The following SFMBT2 variants were observed in gnomAD, a reference collection of about 807,000 sequenced individuals.
The protein encoded by SFMBT2 is scm-like with four MBT domains protein 2.
In SFMBT2, 38 loss-of-function variants were observed where a neutral mutation model predicts 110.1. The observed-to-expected ratio is 0.35, with a 90% confidence interval of 0.27 to 0.45. The LOEUF is 0.45. Ranked by LOEUF, SFMBT2 falls within the 20% of genes least tolerant of loss-of-function variation. SFMBT2 has a pLI of 1.00. For synonymous variants in SFMBT2, 425 were observed against 425.4 expected (o/e 1.00, Z 0.01); for missense variants, 1,011 against 1,094.9 (o/e 0.92, Z 1.08).
rs532705973 is a variant in SFMBT2 at position 7,285,688 on chromosome 10, C to T, written c.525+178G>A. 228 of 588,612 alleles carry T rather than the reference C, an allele frequency of 3.9e-4. 1 individual carries two copies. Among genetic ancestry groups the T allele is most frequent in the African/African-American group, 3.1e-3 (169 of 53,658 alleles). 36.5% of individuals were successfully genotyped at this position (588,612 alleles called of 1,614,324 possible). ...CATCACAGGGGAAGTTTCATCAATG[C>T]CATTCAAATCAGTCACCTAAGTAAT... is the stretch of plus-strand genomic sequence containing the variant. On this transcript the variant is annotated intron_variant, in intron 5 of 20. Coordinates refer to ENST00000397167, the MANE Select transcript of SFMBT2 (RefSeq NM_001387889.1).
rs542628467 is a variant in SFMBT2, at chr10:7,172,404, C to G, written c.2151+91G>C. 6.3e-7 allele frequency: 1 copy of G among 1,589,972 alleles called. No homozygotes were observed. The highest frequency in any genetic ancestry group is 8.5e-7 in the Non-Finnish European group (1 of 1,169,818). Reference sequence around the variant, plus strand: ...TTTCTGACCATCTTGCCACAATCTCCAGGGCCACCTCTGCTGTGAAGCAGC... The same window carrying G: ...TTTCTGACCATCTTGCCACAATCTCGAGGGCCACCTCTGCTGTGAAGCAGC... On this transcript the variant is annotated intron_variant, in intron 18 of 20. Coordinates refer to ENST00000397167, the MANE Select transcript of SFMBT2 (RefSeq NM_001387889.1). This position sits in a 1 kb window ranked among gnomAD's most constrained non-coding sequence, Gnocchi z 4.6.
chr10:7,240,916 A>G (rs887154852), intron 9 of SFMBT2, among the ~76,000 whole-genome samples: 3 of 152,200 alleles, frequency 2.0e-5, no homozygotes, highest in African/African-American at 7.2e-5. Context: ...AATGATATTT[A>G]CCACATTCTT....
intron 2 of SFMBT2, among the ~76,000 whole-genome samples, chr10:7,379,514 CAA>C (rs1418789834): frequency 6.6e-6 from 1 of 152,148 alleles, no homozygotes; most frequent in African/African-American, 2.4e-5. Flanking sequence ...CTGTCCTCTG[CAA>C]AGTCTTAGAC....
At chr10:7,164,125 G>T in intron 20 of SFMBT2, 1 of 984,930 alleles carries the variant, frequency 1.0e-6, no homozygotes, top group South Asian at 4.7e-5. Context: ...AGTGGCTCAC[G>T]CCTATAATTC....
At chr10:7,249,684 G>C (rs1475760636) in intron 7 of SFMBT2, 1 of 337,936 alleles carries the variant, frequency 3.0e-6, no homozygotes, top group Admixed American at 6.5e-5. Flanking sequence ...GTCGGGCAGT[G>C]CCTGTTTCCC....
intron 10 of SFMBT2, among the ~76,000 whole-genome samples, chr10:7,223,161 G>A (rs535540270): frequency 1.2e-4 from 18 of 152,170 alleles, no homozygotes; most frequent in African/African-American, 2.9e-4. Context: ...AGATGGGACC[G>A]CTAGACCATA....
intron 2 of SFMBT2, among the ~76,000 whole-genome samples, chr10:7,371,327 A>G (rs1845059797): frequency 6.6e-6 from 1 of 152,076 alleles, no homozygotes; most frequent in Admixed American, 6.5e-5. Flanking sequence ...GTTTCACTAC[A>G]CGTTGGCCAG....
chr10:7,404,509 T>C (rs933963071), intron 1 of SFMBT2, among the ~76,000 whole-genome samples: 2 of 152,228 alleles, frequency 1.3e-5, no homozygotes, highest in Non-Finnish European at 2.9e-5. Flanking sequence ...CACACCTCCA[T>C]ACACTTCCTG....
rs752820794 is a variant in SFMBT2 at position 7,184,461 on chromosome 10, G to A, written c.1808+4163C>T. 3.7e-4 allele frequency among the ~76,000 whole-genome samples: 57 copies of A among 152,288 alleles called. 1 individual carries two copies. Among genetic ancestry groups the A allele is most frequent in the Admixed American group, 2.6e-3 (40 of 15,294 alleles). ...GTGATTATGAGGCCTCCCCAGCCACGTGGAACTGTGAGTCCATTTAACCTT... is the reference window on the plus strand; with the variant it reads ...GTGATTATGAGGCCTCCCCAGCCACATGGAACTGTGAGTCCATTTAACCTT... On this transcript the variant is annotated intron_variant, in intron 16 of 20. Transcript: ENST00000397167.
In SFMBT2 at chr10:7,367,845, C is replaced by T. The variant is rs1202290368; in HGVS notation, c.240G>A (p.Leu80=). The change falls in exon 4 of 21, where the codon TTG becomes TTA. Residue 80 remains leucine, a synonymous_variant. Coordinates refer to ENST00000397167, the MANE Select transcript of SFMBT2 (RefSeq NM_001387889.1). The surrounding 1 kb of genome is among the most constrained non-coding windows in gnomAD (Gnocchi z 6.2). Reference sequence around the variant, plus strand: ...CCGGGTTGTTCTTATTAGCCACTTCCAATTTCATTCCTGGCTGGAAGTTGC... The same window carrying T: ...CCGGGTTGTTCTTATTAGCCACTTCTAATTTCATTCCTGGCTGGAAGTTGC... ...IQSNFQPGMK[L]EVANKNNPDT... is the part of the protein sequence containing the mutation. The T allele has an allele frequency of 3.7e-6, 6 of 1,614,054 alleles. No individual in the cohort carries two copies. Among genetic ancestry groups the T allele is most frequent in the Non-Finnish European group, 5.1e-6 (6 of 1,180,044 alleles).
chr10:7,256,677 G>A (rs562931301), intron 7 of SFMBT2, among the ~76,000 whole-genome samples: 1 of 152,276 alleles, frequency 6.6e-6, no homozygotes, highest in African/African-American at 2.4e-5. Flanking sequence ...CGATGTTATC[G>A]ATGTTAACCA....
intron 7 of SFMBT2, chr10:7,249,474 A>C: frequency 1.0e-6 from 1 of 971,520 alleles, no homozygotes; most frequent in Non-Finnish European, 1.2e-6. Flanking sequence ...AGCAGTGGAT[A>C]AATGAATGTA....
chr10:7,160,218 T>C lies in SFMBT2; in HGVS notation c.*3552A>G, dbSNP rs1837514649. The C allele has an allele frequency of 6.6e-6, 1 of 152,238 alleles. No individual in the cohort carries two copies. The highest frequency in any genetic ancestry group is 1.5e-5 in the Non-Finnish European group (1 of 68,046). The allele number at this position is 152,238 out of a possible 1,614,324, so 9.4% of individuals were successfully genotyped here. ...CGTGGTGAAGTTCACTGTGTTTTGCTTTTGTTTTGAAAGGCAAAGAAGTTC... is the reference window on the plus strand; with the variant it reads ...CGTGGTGAAGTTCACTGTGTTTTGCCTTTGTTTTGAAAGGCAAAGAAGTTC... On this transcript the variant is annotated 3_prime_UTR_variant, in exon 21 of 21. Transcript: ENST00000397167.
At chr10:7,264,300 C>T in intron 7 of SFMBT2, 1 of 207,658 alleles carries the variant, frequency 4.8e-6, no homozygotes, top group Non-Finnish European at 8.4e-6. Flanking sequence ...ACTGCTAGTC[C>T]TTTATTTACG....
At chr10:7,204,982 T>C in intron 12 of SFMBT2, 1 of 965,936 alleles carries the variant, frequency 1.0e-6, no homozygotes, top group Non-Finnish European at 1.2e-6. Context: ...TATTGGTTAT[T>C]TGGTATTTCT....
chr10:7,286,875 C>T (rs1174078435), intron 4 of SFMBT2, among the ~76,000 whole-genome samples: 1 of 151,954 alleles, frequency 6.6e-6, no homozygotes, highest in Non-Finnish European at 1.5e-5. Flanking sequence ...ACTATGGACA[C>T]CCAGGAAGTC....
At chr10:7,317,913 C>A (rs1252439665) in intron 4 of SFMBT2, among the ~76,000 whole-genome samples, 1 of 152,122 alleles carries the variant, frequency 6.6e-6, no homozygotes, top group Non-Finnish European at 1.5e-5. Flanking sequence ...TTATAAATTC[C>A]AAAAAATCAG....
intron 4 of SFMBT2, among the ~76,000 whole-genome samples, chr10:7,288,318 C>G (rs999697015): frequency 6.6e-6 from 1 of 152,212 alleles, no homozygotes; most frequent in South Asian, 2.1e-4. Flanking sequence ...TGGCAACGTC[C>G]CAGCCTCACC....
intron 6 of SFMBT2, among the ~76,000 whole-genome samples, chr10:7,277,907 A>T (rs1841834062): frequency 6.6e-6 from 1 of 152,248 alleles, no homozygotes; most frequent in African/African-American, 2.4e-5. Flanking sequence ...GCTTTTTAGC[A>T]TGAAGCGATC....
Sources: gnomAD v4.1 joint callset for allele counts (sites outside exome capture counted in the v4.1 genomes callset) on GRCh38, gnomAD v4.1.1 for gene constraint, Gnocchi (gnomAD v3.1) non-coding constraint, MANE v1.5 for transcripts, NCBI Gene and HGNC (gene_info 2026-07-23, HGNC 2026-07-21) for gene names.